CHST15: variants seen among roughly 807,000 people sequenced by gnomAD.
CHST15 encodes the protein B cell RAG associated protein (GALNAC4S-6ST).
CHST15 carries 30 observed loss-of-function variants against 53.6 expected under a neutral mutation model. The observed-to-expected ratio is 0.56, with a 90% confidence interval of 0.42 to 0.76. The LOEUF is 0.76. CHST15 is among the 30% of genes least tolerant of loss of function. The pLI, the probability that CHST15 is intolerant of heterozygous loss-of-function variation, is 0.00. For missense variants in CHST15, 627 were observed against 740.5 expected (o/e 0.85, Z 1.78); for synonymous variants, 296 against 289.8 (o/e 1.02, Z -0.22).
chr10:124,057,976 C>T (rs943791970), intron 1 of CHST15, among the ~76,000 whole-genome samples: 1 of 152,168 alleles, frequency 6.6e-6, no homozygotes, highest in Non-Finnish European at 1.5e-5. Flanking sequence ...AGTTCTCCCC[C>T]CCAATGATTT....
chr10:124,008,000 G>C lies in CHST15; in HGVS notation c.*2149C>G. ...TGCCCTCTGGAGAGAAAGGCCCCTG[G>C]AGGGAAAAACCATGTCTGGATGGCA... On this transcript the variant is annotated 3_prime_UTR_variant, in exon 8 of 8. Coordinates refer to ENST00000435907, the MANE Select transcript of CHST15 (RefSeq NM_001270764.2). The C allele has an allele frequency of 8.1e-7, 1 of 1,232,116 alleles. No homozygotes were observed. The allele number at this position is 1,232,116 out of a possible 1,614,324, so 76.3% of individuals were successfully genotyped here. A position where few individuals can be genotyped will look rare whatever the true frequency, so the allele number is the denominator to read the frequency against.
chr10:124,072,481 G>T (rs1165849272), intron 1 of CHST15, among the ~76,000 whole-genome samples: 1 of 152,124 alleles, frequency 6.6e-6, no homozygotes. Flanking sequence ...AGAACACTGG[G>T]TTGGAAGTCC....
Position 124,057,667 on chromosome 10 carries a change from G to A in CHST15, c.-512-10943C>T, listed in dbSNP as rs1386743630. 3.3e-5 allele frequency among the ~76,000 whole-genome samples: 5 copies of A among 152,200 alleles called. No individual in the cohort carries two copies. The South Asian group carries it at 8.3e-4, about 25-fold the overall frequency. On this transcript the variant is annotated intron_variant, in intron 1 of 7. Transcript: ENST00000435907. The stretch of plus-strand genomic sequence containing the variant: ...CAGCCGTGAAGCCCACCCAGCCCCA[G>A]AGAATCTGCAGAAGAACTAGCTCTG...
chr10:124,010,389 TA>T, intron 7 of CHST15, 50 bp from the exon 8 acceptor site: 1 of 1,483,604 alleles, frequency 6.7e-7, no homozygotes, highest in Middle Eastern at 2.0e-4. Flanking sequence ...TGGCAGGAAG[TA>T]AAAGGGACTT....
At chr10:124,010,383 A>G in intron 7 of CHST15, 44 bp from the exon 8 acceptor site, 1 of 1,492,730 alleles carries the variant, frequency 6.7e-7, no homozygotes, top group Non-Finnish European at 8.9e-7. Context: ...GAGGCATGGC[A>G]GGAAGTAAAA....
rs1564844867 is a variant in CHST15, at chr10:124,010,148, C to CT, written c.1686dup. The CT allele has an allele frequency of 6.2e-7, 1 of 1,612,558 alleles. No individual in the cohort carries two copies. Among genetic ancestry groups the CT allele is most frequent in the Admixed American group, 1.7e-5 (1 of 60,038 alleles). On this transcript the variant is annotated 3_prime_UTR_variant, in exon 8 of 8. Transcript: ENST00000435907. Reference sequence around the variant, plus strand: ...CAGCACGTGCAGCAACAATTCAGCTCTCACGTCGTCTTCCACGCAAACGCC... The same window carrying CT: ...CAGCACGTGCAGCAACAATTCAGCTCTTCACGTCGTCTTCCACGCAAACGCC...
At chr10:124,026,719 C>T (rs574269578) in intron 5 of CHST15, among the ~76,000 whole-genome samples, 57 of 152,310 alleles carry the variant, frequency 3.7e-4, no homozygotes, top group African/African-American at 1.3e-3. Flanking sequence ...CAGCTCACGG[C>T]CTCAGCGGAT....
chr10:124,065,710 C>T (rs1057221730), intron 1 of CHST15, among the ~76,000 whole-genome samples: 1 of 152,198 alleles, frequency 6.6e-6, no homozygotes, highest in Non-Finnish European at 1.5e-5. Flanking sequence ...TTAGCTTTCA[C>T]CCTTAACAAA....
chr10:124,028,715 C>T (rs1590211270), intron 5 of CHST15, among the ~76,000 whole-genome samples: 2 of 152,210 alleles, frequency 1.3e-5, no homozygotes, highest in African/African-American at 4.8e-5. Flanking sequence ...CAAGGGCAGG[C>T]GCTTGGTGGC....
chr10:124,044,031 G>GCAGCACAGAGCCAAGGAA (rs1198875358), intron 3 of CHST15, among the ~76,000 whole-genome samples: 2 of 143,090 alleles, frequency 1.4e-5, no homozygotes, highest in Admixed American at 7.0e-5. Flanking sequence ...AGAGCAGGGA[G>GCAGCACAGAGCCAAGGAA]CAGCACAGAG....
In CHST15 at chr10:124,045,133, A is replaced by C. The variant is rs138101738; in HGVS notation, c.547-214T>G. Among the ~76,000 whole-genome samples the C allele has an allele frequency of 1.3e-3, 184 of 145,776 alleles. 1 individual carries two copies. The highest frequency in any genetic ancestry group is 3.9e-3 in the African/African-American group (146 of 37,424). On this transcript the variant is annotated intron_variant, in intron 2 of 7. Coordinates refer to ENST00000435907, the MANE Select transcript of CHST15 (RefSeq NM_001270764.2). ...CCCACAAAAAAAAAAAAAAAAAAAA[A>C]AAAAAAAAAAACTTGGAGAGAATAA...
chr10:124,064,840 C>T (rs1564901274), intron 1 of CHST15, among the ~76,000 whole-genome samples: 1 of 152,162 alleles, frequency 6.6e-6, no homozygotes, highest in Non-Finnish European at 1.5e-5. Context: ...AAACCCCAGA[C>T]CACACTGGCC....
Position 124,081,150 on chromosome 10 carries a change from CAA to C in CHST15, c.-513+12317_-513+12318del, listed in dbSNP as rs751733043. ...AATCAGGGAATCTGAACATGAAACT[CAA>C]AGACAGTCACAAAGTCTCATCACAG... On this transcript the variant is annotated intron_variant, in intron 1 of 7. Transcript: ENST00000435907. 3.3e-5 allele frequency among the ~76,000 whole-genome samples: 5 copies of C among 152,194 alleles called. No homozygotes were observed. The East Asian group carries it at 5.8e-4, about 18-fold the overall frequency.
At chr10:124,044,988 T>C in intron 2 of CHST15, 69 bp from the exon 3 acceptor site, 1 of 1,079,874 alleles carries the variant, frequency 9.3e-7, no homozygotes, top group Admixed American at 3.4e-5. Flanking sequence ...CTAACCGCAA[T>C]GGGAACCTGC....
intron 1 of CHST15, among the ~76,000 whole-genome samples, chr10:124,068,991 A>T (rs529199328): frequency 9.9e-5 from 15 of 152,252 alleles, no homozygotes; most frequent in Non-Finnish European, 1.9e-4. Context: ...GTATCAGAAC[A>T]TGCTTTAGCA....
In CHST15 at chr10:124,061,053, T is replaced by A. The variant is rs570439919; in HGVS notation, c.-512-14329A>T. Among the ~76,000 whole-genome samples the A allele has an allele frequency of 1.4e-3, 213 of 152,284 alleles. 1 individual carries two copies. The highest frequency in any genetic ancestry group is 2.5e-3 in the Non-Finnish European group (168 of 68,020). On this transcript the variant is annotated intron_variant, in intron 1 of 7. Coordinates refer to ENST00000435907, the MANE Select transcript of CHST15 (RefSeq NM_001270764.2). ...CCCCATTGTGCAGATAAGAAAACGG[T>A]GGCTCTGGGTGGGGTGACGTGGCTT...
chr10:124,060,548 G>A (rs1467142677), intron 1 of CHST15, among the ~76,000 whole-genome samples: 1 of 148,454 alleles, frequency 6.7e-6, no homozygotes, highest in East Asian at 2.1e-4. Flanking sequence ...GACCCCCAGG[G>A]GTATGTGGAG....
At chr10:124,042,530 A>C in intron 3 of CHST15, 83 bp from the exon 4 acceptor site, 1 of 1,510,440 alleles carries the variant, frequency 6.6e-7, no homozygotes, top group Non-Finnish European at 9.1e-7. Flanking sequence ...AACCAAAGAG[A>C]GATGGAAAGG....
At chr10:124,092,281 G>C (rs892096342) in intron 1 of CHST15, 1 of 154,552 alleles carries the variant, frequency 6.5e-6, no homozygotes, top group African/African-American at 2.4e-5. Flanking sequence ...CGGCTCCCCA[G>C]CTTCGCCGCC....
Sources: allele counts gnomAD v4.1 joint callset (sites outside exome capture counted in the v4.1 genomes callset), GRCh38; gene constraint gnomAD v4.1.1; transcripts MANE v1.5; gene names NCBI Gene and HGNC (gene_info 2026-07-23, HGNC 2026-07-21).